Variants in NRCAM observed in about 807,000 individuals in gnomAD.
NRCAM encodes the protein NgCAM-related cell adhesion molecule.
Under a neutral mutation model 156.5 loss-of-function variants are expected in NRCAM, and 83 were observed. The observed-to-expected ratio is 0.53, with a 90% CI of 0.44 to 0.64. The LOEUF is 0.64. Among genes scored for constraint, NRCAM ranks in the 30% least tolerant of loss-of-function variants. The pLI is 0.00. For missense variants in NRCAM, 1,417 were observed against 1,597.3 expected, an observed-to-expected ratio of 0.89 and a Z score of 1.92; for synonymous variants, 538 against 563.9, an observed-to-expected ratio of 0.95 and a Z score of 0.65.
chr7:108,277,084 G>C (rs559550055), intron 3 of NRCAM, among the ~76,000 whole-genome samples: 3 of 152,200 alleles, frequency 2.0e-5, no homozygotes, highest in Admixed American at 6.5e-5. Flanking sequence ...CTGGCTTGTA[G>C]GGTTTCTGCA....
intron 1 of NRCAM, among the ~76,000 whole-genome samples, chr7:108,410,873 G>T (rs181504435): frequency 6.6e-6 from 1 of 152,060 alleles, no homozygotes; most frequent in South Asian, 2.1e-4. Context: ...AAAGAAAAAC[G>T]CCTTGTTTGC....
chr7:108,415,032 C>G (rs1204283183), intron 1 of NRCAM, among the ~76,000 whole-genome samples: 1 of 152,048 alleles, frequency 6.6e-6, no homozygotes, highest in South Asian at 2.1e-4. Flanking sequence ...CATATTACCA[C>G]AGAAGAGATG....
intron 3 of NRCAM, among the ~76,000 whole-genome samples, chr7:108,295,032 TAAC>T (rs2098425005): frequency 6.6e-6 from 1 of 152,208 alleles, no homozygotes; most frequent in Admixed American, 6.5e-5. Flanking sequence ...GAACTACTAA[TAAC>T]AACAGGGGTT....
At chr7:108,203,709 G>A (rs1314297959) in intron 13 of NRCAM, among the ~76,000 whole-genome samples, 1 of 152,142 alleles carries the variant, frequency 6.6e-6, no homozygotes, top group Non-Finnish European at 1.5e-5. Flanking sequence ...TCTGTTGTGT[G>A]GCACAGGAGA....
At chr7:108,266,751 A>G (rs2097121282) in intron 3 of NRCAM, among the ~76,000 whole-genome samples, 1 of 152,208 alleles carries the variant, frequency 6.6e-6, no homozygotes, top group African/African-American at 2.4e-5. Flanking sequence ...GTCTCCTGCC[A>G]TCTGATCCAT....
intron 30 of NRCAM, 41 bp downstream of exon 30, chr7:108,166,880 C>T (rs372581894): frequency 8.7e-6 from 14 of 1,600,960 alleles, no homozygotes; most frequent in African/African-American, 1.3e-5. Context: ...GCGGCCTCCA[C>T]CTCTGAGCGG....
Position 108,248,457 on chromosome 7 carries a change from G to A in NRCAM, c.-106-8287C>T, listed in dbSNP as rs188466560. On this transcript the variant is annotated intron_variant, in intron 3 of 32. Transcript: ENST00000379028. ...GTGAAGGGTAGTAATGCAAGGAGAA[G>A]AGAGAGCAGGAGAGAGAATTAACCT... Among the ~76,000 whole-genome samples, 10 of 152,154 alleles carry A rather than the reference G, an allele frequency of 6.6e-5. No individual in the cohort carries two copies. The East Asian group carries it at 1.8e-3, about 27-fold the overall frequency.
At chr7:108,362,808 T>G (rs1038201601) in intron 2 of NRCAM, among the ~76,000 whole-genome samples, 5 of 152,190 alleles carry the variant, frequency 3.3e-5, no homozygotes, top group Non-Finnish European at 7.3e-5. Flanking sequence ...ACACAGGTTA[T>G]CATGCATTTC....
chr7:108,310,607 G>GA (rs1048112972), intron 3 of NRCAM, among the ~76,000 whole-genome samples: 3 of 152,090 alleles, frequency 2.0e-5, no homozygotes, highest in Admixed American at 6.6e-5. Context: ...AAGTAGCTAC[G>GA]AAAAAAACTT....
intron 15 of NRCAM, among the ~76,000 whole-genome samples, chr7:108,195,276 T>C (rs555873333): frequency 6.6e-6 from 1 of 152,302 alleles, no homozygotes; most frequent in East Asian, 1.9e-4. Flanking sequence ...TGAAAGTATT[T>C]AACACAGAGC....
chr7:108,207,761 C>T (rs2081942572), intron 12 of NRCAM, 102 bp from the exon 13 acceptor site: 1 of 845,990 alleles, frequency 1.2e-6, no homozygotes. Context: ...GTACTTCACA[C>T]TAAATTAGTC....
chr7:108,211,433 TG>T (rs999122759), intron 11 of NRCAM, among the ~76,000 whole-genome samples: 1 of 152,160 alleles, frequency 6.6e-6, no homozygotes, highest in African/African-American at 2.4e-5. Flanking sequence ...CTCCATAGGC[TG>T]GGGAAGAACT....
At chr7:108,408,041 A>G (rs1041871551) in intron 1 of NRCAM, among the ~76,000 whole-genome samples, 1 of 152,354 alleles carries the variant, frequency 6.6e-6, no homozygotes. Flanking sequence ...TATAAAATTG[A>G]TAAGGGAATA....
chr7:108,195,318 A>G (rs1291978233), intron 15 of NRCAM, among the ~76,000 whole-genome samples: 1 of 152,204 alleles, frequency 6.6e-6, no homozygotes, highest in East Asian at 1.9e-4. Flanking sequence ...GAAATAATGA[A>G]TGAATTTAAT....
At chr7:108,272,194 T>C (rs1034086170) in intron 3 of NRCAM, among the ~76,000 whole-genome samples, 1 of 152,256 alleles carries the variant, frequency 6.6e-6, no homozygotes, top group Non-Finnish European at 1.5e-5. Context: ...AGAGTGAATT[T>C]CACCACTGTT....
intron 3 of NRCAM, among the ~76,000 whole-genome samples, chr7:108,306,303 A>G (rs1329398777): frequency 6.6e-6 from 1 of 152,172 alleles, no homozygotes; most frequent in Non-Finnish European, 1.5e-5. Context: ...ATAATTTTTT[A>G]TTATATAAAA....
chr7:108,224,749 G>T (rs1330916231), intron 10 of NRCAM, among the ~76,000 whole-genome samples: 1 of 152,060 alleles, frequency 6.6e-6, no homozygotes, highest in African/African-American at 2.4e-5. Context: ...TATTACTTGA[G>T]AAAAATTAGT....
chr7:108,260,197 C>T (rs949358209), intron 3 of NRCAM, among the ~76,000 whole-genome samples: 1 of 152,064 alleles, frequency 6.6e-6, no homozygotes, highest in African/African-American at 2.4e-5. Context: ...CGGAGCCCTC[C>T]ACCACGTGGC....
At chr7:108,195,912 C>T (rs747672835) in intron 14 of NRCAM, 40 bp from the exon 15 acceptor site, 12 of 1,210,938 alleles carry the variant, frequency 9.9e-6, no homozygotes, top group Non-Finnish European at 1.3e-5. Flanking sequence ...TATTAGAATA[C>T]ATTTTAGGAC....
Sources: allele counts gnomAD v4.1 joint callset (sites outside exome capture counted in the v4.1 genomes callset), GRCh38; gene constraint gnomAD v4.1.1; transcripts MANE v1.5; gene names NCBI Gene and HGNC (gene_info 2026-07-23, HGNC 2026-07-21).